Variants in KIAA1671 observed in about 807,000 individuals in gnomAD.
The protein encoded by KIAA1671 is KIAA1671.
Under a neutral mutation model 131.2 loss-of-function variants are expected in KIAA1671, and 52 were observed. That is an observed-to-expected ratio of 0.40 (90% confidence interval 0.32 to 0.50). The LOEUF is 0.50. KIAA1671 is among the 20% of genes least tolerant of loss of function. KIAA1671 has a pLI of 0.73. For synonymous variants in KIAA1671, 1,003 were observed against 961.6 expected, an observed-to-expected ratio of 1.04 and a Z score of -0.80; for missense variants, 2,360 against 2,364.2, an observed-to-expected ratio of 1.00 and a Z score of 0.04.
chr22:24,975,202 A>AC (rs1156545042), intron 1 of KIAA1671, among the ~76,000 whole-genome samples: 2 of 152,168 alleles, frequency 1.3e-5, no homozygotes, highest in Non-Finnish European at 2.9e-5. Context: ...CCCGTTCTGG[A>AC]CATTTCATGT....
chr22:25,187,282 A>G (rs1343317179), intron 11 of KIAA1671, among the ~76,000 whole-genome samples: 1 of 152,230 alleles, frequency 6.6e-6, no homozygotes, highest in African/African-American at 2.4e-5. Flanking sequence ...AAAAGAATAC[A>G]AAGGGGAAAA....
At chr22:25,150,662 T>C (rs1465144297) in intron 6 of KIAA1671, among the ~76,000 whole-genome samples, 1 of 152,100 alleles carries the variant, frequency 6.6e-6, no homozygotes, top group Non-Finnish European at 1.5e-5. Flanking sequence ...CGGGCGTAGC[T>C]GGATGCCAGG....
At chr22:25,095,910 G>C (rs1411979560) in intron 6 of KIAA1671, among the ~76,000 whole-genome samples, 3 of 152,192 alleles carry the variant, frequency 2.0e-5, no homozygotes, top group Non-Finnish European at 4.4e-5. Context: ...TTTCTTTGAA[G>C]GTGCAGCACC....
At chr22:24,968,064 A>G (rs1922400050) in intron 1 of KIAA1671, among the ~76,000 whole-genome samples, 1 of 152,078 alleles carries the variant, frequency 6.6e-6, no homozygotes, top group African/African-American at 2.4e-5. Flanking sequence ...CTTCTTGGAG[A>G]GGCGAGGTGC....
intron 11 of KIAA1671, among the ~76,000 whole-genome samples, chr22:25,188,313 C>A (rs2027888): frequency 0.23 from 34,252 of 151,942 alleles, 4,226 homozygotes; most frequent in South Asian, 0.36. Context: ...AACAAACAAA[C>A]AAACAGTTTA....
intron 10 of KIAA1671, among the ~76,000 whole-genome samples, chr22:25,183,289 T>C (rs763915161): frequency 2.0e-5 from 3 of 152,226 alleles, no homozygotes; most frequent in South Asian, 2.1e-4. Context: ...GAAGTTTTGC[T>C]TTTCTGTCAT....
chr22:25,122,319 C>T (rs1360437402), intron 6 of KIAA1671, among the ~76,000 whole-genome samples: 1 of 152,042 alleles, frequency 6.6e-6, no homozygotes, highest in Non-Finnish European at 1.5e-5. Context: ...CTGGGAGTTA[C>T]TGTCCCTTTC....
chr22:24,973,418 A>C (rs1400460225), intron 1 of KIAA1671, among the ~76,000 whole-genome samples: 1 of 17,616 alleles, frequency 5.7e-5, no homozygotes, highest in Non-Finnish European at 1.4e-4. Context: ...TTTTTTTTTG[A>C]GACGGAGTCT....
At chr22:25,000,751 A>C (rs1419467786) in intron 1 of KIAA1671, among the ~76,000 whole-genome samples, 1 of 149,928 alleles carries the variant, frequency 6.7e-6, no homozygotes, top group Non-Finnish European at 1.5e-5. Flanking sequence ...TCCTGGCCTC[A>C]AGTGAATCCG....
At chr22:25,183,965 G>C (rs1934382690) in intron 10 of KIAA1671, among the ~76,000 whole-genome samples, 1 of 152,210 alleles carries the variant, frequency 6.6e-6, no homozygotes, top group African/African-American at 2.4e-5. Flanking sequence ...AGGCCCTGGG[G>C]CTCCCATGTG....
intron 9 of KIAA1671, 96 bp downstream of exon 9, chr22:25,177,618 T>G: frequency 9.5e-7 from 1 of 1,054,102 alleles, no homozygotes; most frequent in Non-Finnish European, 1.4e-6. Context: ...TGGAAGGCTG[T>G]AGATCATTAG....
intron 4 of KIAA1671, among the ~76,000 whole-genome samples, chr22:25,035,529 G>A (rs1288309716): frequency 2.0e-5 from 3 of 152,134 alleles, no homozygotes; most frequent in African/African-American, 7.2e-5. Flanking sequence ...GCTTTGAATG[G>A]CAATACCCAC....
At chr22:25,002,783 GC>G (rs1924546346) in intron 1 of KIAA1671, among the ~76,000 whole-genome samples, 1 of 151,244 alleles carries the variant, frequency 6.6e-6, no homozygotes, top group Admixed American at 6.6e-5. Flanking sequence ...TAACTTCGTG[GC>G]TTTTTTTTTT....
intron 6 of KIAA1671, among the ~76,000 whole-genome samples, chr22:25,131,920 G>A (rs568649779): frequency 1.3e-5 from 2 of 152,202 alleles, no homozygotes; most frequent in Admixed American, 6.5e-5. Context: ...AGATTGACAC[G>A]AGTTGATGGG....
At chr22:25,077,267 T>C (rs746417839) in intron 6 of KIAA1671, among the ~76,000 whole-genome samples, 1 of 152,150 alleles carries the variant, frequency 6.6e-6, no homozygotes, top group Non-Finnish European at 1.5e-5. Flanking sequence ...TGGGCATCAG[T>C]TTCCCTCTCT....
In KIAA1671 at chr22:25,028,593, C is replaced by T; in HGVS notation, c.594C>T (p.Pro198=). Reference sequence around the variant, plus strand: ...CGGGGACCCTTCCCCGGTCAGCTCCCCTGTCTCAGGACACAAAACCACCTG... The same window carrying T: ...CGGGGACCCTTCCCCGGTCAGCTCCTCTGTCTCAGGACACAAAACCACCTG... ...KPAGTLPRSA[P]LSQDTKPPVP... The change falls in exon 3 of 13, where the codon CCC becomes CCT. Residue 198 remains proline, a synonymous_variant. Coordinates refer to ENST00000358431, the MANE Select transcript of KIAA1671 (RefSeq NM_001145206.2). 1.3e-6 allele frequency: 2 copies of T among 1,551,046 alleles called. No individual in the cohort carries two copies. Among genetic ancestry groups the T allele is most frequent in the Non-Finnish European group, 1.7e-6 (2 of 1,146,900 alleles).
At position 25,185,086 on chromosome 22, in the gene KIAA1671, G is replaced by A. The variant is rs755507278; in HGVS notation, c.5309G>A (p.Arg1770His). The A allele has an allele frequency of 3.2e-5, 49 of 1,551,442 alleles. 1 individual carries two copies. In the Middle Eastern group the frequency reaches 1.0e-3, roughly 32 times the overall value. ...TTCCAGCCTGGGGTGCTGGGCAGTC[G>A]CGTGCTGCCTTCCAGCATGGACAAG... The part of the protein sequence containing the change: ...SPFQPGVLGS[R>H]VLPSSMDKDE... Residue 1770 changes from arginine to histidine, a missense_variant, in exon 11 of 13, where the codon CGC (arginine) becomes CAC (histidine). Coordinates refer to ENST00000358431, the MANE Select transcript of KIAA1671 (RefSeq NM_001145206.2).
intron 2 of KIAA1671, among the ~76,000 whole-genome samples, chr22:25,027,503 A>G (rs1294125893): frequency 1.3e-5 from 2 of 152,238 alleles, no homozygotes; most frequent in African/African-American, 4.8e-5. Context: ...ACTGAGGCCT[A>G]TTCAGGGAGG....
chr22:25,108,655 G>T (rs2145908763), intron 6 of KIAA1671, among the ~76,000 whole-genome samples: 1 of 152,246 alleles, frequency 6.6e-6, no homozygotes, highest in Middle Eastern at 3.4e-3. Flanking sequence ...TAATACTTCT[G>T]GATATATCAA....
Sources: gnomAD v4.1 joint callset for allele counts (sites outside exome capture counted in the v4.1 genomes callset) on GRCh38, gnomAD v4.1.1 for gene constraint, MANE v1.5 for transcripts, NCBI Gene and HGNC (gene_info 2026-07-23, HGNC 2026-07-21) for gene names.